The following RHOQ variants were observed in gnomAD, a reference collection of about 807,000 sequenced individuals.
RHOQ encodes ras homolog family member Q.
Under a neutral mutation model 25.8 loss-of-function variants are expected in RHOQ, and 7 were observed. That is an observed-to-expected ratio of 0.27 (90% CI 0.15 to 0.51). The LOEUF (loss-of-function observed/expected upper bound fraction) is 0.51. RHOQ is among the 20% of genes least tolerant of loss of function. RHOQ has a pLI of 0.97. For synonymous variants in RHOQ, 97 were observed against 98.6 expected (o/e 0.98, Z 0.10); for missense variants, 165 against 260.6 (o/e 0.63, Z 2.53).
chr2:46,567,900 A>C (rs377147087), intron 2 of RHOQ, among the ~76,000 whole-genome samples: 1 of 151,998 alleles, frequency 6.6e-6, no homozygotes, highest in Non-Finnish European at 1.5e-5. Flanking sequence ...TCTACAAAAA[A>C]AAAATAAAAT....
Position 46,576,290 on chromosome 2 carries a change from C to T in RHOQ, c.366+39C>T, listed in dbSNP as rs777816412. Reference sequence around the variant, plus strand: ...GATTTTCTGCATTTTAGAATAAGCTCTTTGGTCTGTCGTAGAGGCTGCTCT... The same window carrying T: ...GATTTTCTGCATTTTAGAATAAGCTTTTTGGTCTGTCGTAGAGGCTGCTCT... On this transcript the variant is annotated intron_variant, in intron 3 of 4. Coordinates refer to ENST00000238738, the MANE Select transcript of RHOQ (RefSeq NM_012249.4). This position sits in a 1 kb window ranked among gnomAD's most constrained non-coding sequence, Gnocchi z 5.1. 1 of 1,552,914 alleles carries T rather than the reference C, an allele frequency of 6.4e-7. No individual in the cohort carries two copies. Among genetic ancestry groups the T allele is most frequent in the Admixed American group, 1.8e-5 (1 of 56,388 alleles).
rs538926818 is a variant in RHOQ at position 46,584,071 on chromosome 2, A to C, written c.*2988A>C. Among the ~76,000 whole-genome samples, 445 of 152,304 alleles carry C rather than the reference A, an allele frequency of 2.9e-3. 4 individuals are homozygous for C. The highest frequency in any genetic ancestry group is 4.8e-3 in the Non-Finnish European group (323 of 67,998). Reference sequence around the variant, plus strand: ...AATGGGTTTTGTTATGAATTATCTTAGTGACTTTAGACACTGTTTCCATTT... The same window carrying C: ...AATGGGTTTTGTTATGAATTATCTTCGTGACTTTAGACACTGTTTCCATTT... On this transcript the variant is annotated 3_prime_UTR_variant, in exon 5 of 5. Transcript: ENST00000238738.
At position 46,565,329 on chromosome 2, in the gene RHOQ, A is replaced by G. The variant is rs545272129; in HGVS notation, c.202-10758A>G. Among the ~76,000 whole-genome samples, 6 of 152,312 alleles carry G rather than the reference A, an allele frequency of 3.9e-5. No individual in the cohort carries two copies. The East Asian group carries it at 1.2e-3, about 29-fold the overall frequency. ...GCACTGAATCAGAGTTTTCGAAAGA[A>G]GGAGGAAGTAGGAGAAGAATGCTGG... On this transcript the variant is annotated intron_variant, in intron 2 of 4. Transcript: ENST00000238738.
At chr2:46,570,163 A>G (rs981028593) in intron 2 of RHOQ, among the ~76,000 whole-genome samples, 16 of 152,218 alleles carry the variant, frequency 1.1e-4, no homozygotes, top group Admixed American at 1.0e-3. Context: ...GTTTCAGGCC[A>G]GGCGTGGTGG....
Position 46,583,508 on chromosome 2 carries a change from T to C in RHOQ, c.*2425T>C, listed in dbSNP as rs866279814. ...ACATCTGAAGCTGAGGTGCCTTAGG[T>C]ACTCTACTGACCTTGATGGGTTTGG... On this transcript the variant is annotated 3_prime_UTR_variant, in exon 5 of 5. Transcript: ENST00000238738. Among the ~76,000 whole-genome samples the C allele has an allele frequency of 6.6e-6, 1 of 152,144 alleles. No individual in the cohort carries two copies. Among genetic ancestry groups the C allele is most frequent in the Non-Finnish European group, 1.5e-5 (1 of 67,984 alleles).
Position 46,569,579 on chromosome 2 carries a change from G to A in RHOQ, c.202-6508G>A, listed in dbSNP as rs1314601880. The A allele has an allele frequency of 1.3e-5, 2 of 152,140 alleles. No individual in the cohort carries two copies. Among genetic ancestry groups the A allele is most frequent in the Non-Finnish European group, 2.9e-5 (2 of 68,030 alleles). The allele number at this position is 152,140 out of a possible 1,614,324, so 9.4% of individuals were successfully genotyped here. A position where few individuals can be genotyped will look rare whatever the true frequency, so the allele number is the denominator to read the frequency against. On this transcript the variant is annotated intron_variant, in intron 2 of 4. Transcript: ENST00000238738. This position sits in a 1 kb window ranked among gnomAD's most constrained non-coding sequence, Gnocchi z 4.1. ...CGTTTCCTCCAGCCAACCTAAACAG[G>A]AGTTACAATCAGTCAGGTGGCCAAA...
At chr2:46,567,073 C>T (rs1314614466) in intron 2 of RHOQ, among the ~76,000 whole-genome samples, 1 of 152,108 alleles carries the variant, frequency 6.6e-6, no homozygotes, top group Non-Finnish European at 1.5e-5. Context: ...ATAATATAAC[C>T]TCCCTATACA....
chr2:46,574,305 C>T (rs1034853231), intron 2 of RHOQ, among the ~76,000 whole-genome samples: 6 of 150,746 alleles, frequency 4.0e-5, no homozygotes, highest in Non-Finnish European at 8.8e-5. Context: ...TGTGGAGTTG[C>T]TGGGTGGGAT....
intron 4 of RHOQ, among the ~76,000 whole-genome samples, chr2:46,577,397 T>TC (rs1669166794): frequency 2.8e-5 from 3 of 108,240 alleles, no homozygotes; most frequent in African/African-American, 1.5e-4. Flanking sequence ...ATATATGGTC[T>TC]TTTTTTTTTT....
intron 2 of RHOQ, among the ~76,000 whole-genome samples, chr2:46,558,863 T>A (rs1668483372): frequency 6.6e-6 from 1 of 152,184 alleles, no homozygotes; most frequent in African/African-American, 2.4e-5. Flanking sequence ...CCCCTTCTAT[T>A]CTGTTTTTGA....
chr2:46,577,635 T>TG (rs1479338334), intron 4 of RHOQ, among the ~76,000 whole-genome samples: 10 of 145,790 alleles, frequency 6.9e-5, no homozygotes, highest in Admixed American at 5.6e-4. Context: ...CAGGATGGTC[T>TG]CGACCTCCTG....
intron 2 of RHOQ, 24 bp downstream of exon 2, chr2:46,543,836 A>G (rs565951863): frequency 6.2e-7 from 1 of 1,605,952 alleles, no homozygotes; most frequent in Non-Finnish European, 8.5e-7. Flanking sequence ...CCTCTGGCCG[A>G]CGCCCCCCTC....
At chr2:46,554,346 T>C (rs917440214) in intron 2 of RHOQ, among the ~76,000 whole-genome samples, 3 of 152,204 alleles carry the variant, frequency 2.0e-5, no homozygotes, top group African/African-American at 7.2e-5. Context: ...TGGGGTGCCT[T>C]GGCTCCATTA....
At chr2:46,580,791 G>T in intron 4 of RHOQ, 137 bp from the exon 5 acceptor site, 1 of 585,434 alleles carries the variant, frequency 1.7e-6, no homozygotes, top group South Asian at 4.2e-5. Flanking sequence ...ATCCCCTCTG[G>T]GGTTATGAAC....
In RHOQ at chr2:46,559,361, T is replaced by C. The variant is rs544474223; in HGVS notation, c.201+15549T>C. Among the ~76,000 whole-genome samples the C allele has an allele frequency of 9.2e-5, 14 of 152,330 alleles. No homozygotes were observed. In the South Asian group the frequency reaches 2.3e-3, roughly 25 times the overall value. On this transcript the variant is annotated intron_variant, in intron 2 of 4. Transcript: ENST00000238738. ...GGATATTAATGATAGTGTTTCAAATTTTTTGTCTCTCTGTGTAATCTCTAA... is the reference window on the plus strand; with the variant it reads ...GGATATTAATGATAGTGTTTCAAATCTTTTGTCTCTCTGTGTAATCTCTAA...
At chr2:46,545,548 C>T (rs747884924) in intron 2 of RHOQ, among the ~76,000 whole-genome samples, 1 of 152,194 alleles carries the variant, frequency 6.6e-6, no homozygotes, top group Admixed American at 6.5e-5. Context: ...AAAACAACCC[C>T]ATGAGATAGG....
At position 46,576,817 on chromosome 2, in the gene RHOQ, CT is replaced by C; in HGVS notation, c.462+162del. On this transcript the variant is annotated intron_variant, in intron 4 of 4. Transcript: ENST00000238738. The surrounding 1 kb of genome is among the most constrained non-coding windows in gnomAD (Gnocchi z 5.1). ...ACTCAGTGAGGTAGGTCTGTTTCCC[CT>C]GTTACACAGAAGAGACAGTGGAGGC... The C allele has an allele frequency of 2.0e-6, 1 of 500,132 alleles. No homozygotes were observed. Among genetic ancestry groups the C allele is most frequent in the South Asian group, 3.5e-5 (1 of 28,972 alleles). 31.0% of individuals were successfully genotyped at this position (500,132 alleles called of 1,614,324 possible).
rs888690226 is a variant in RHOQ, at chr2:46,548,992, C to T, written c.201+5180C>T. Among the ~76,000 whole-genome samples, 1 of 152,014 alleles carries T rather than the reference C, an allele frequency of 6.6e-6. No homozygotes were observed. The highest frequency in any genetic ancestry group is 2.4e-5 in the African/African-American group (1 of 41,374). On this transcript the variant is annotated intron_variant, in intron 2 of 4. Coordinates refer to ENST00000238738, the MANE Select transcript of RHOQ (RefSeq NM_012249.4). The surrounding 1 kb of genome is among the most constrained non-coding windows in gnomAD (Gnocchi z 5.2). Reference sequence around the variant, plus strand: ...CCAGCTTAGACTGTGGGCTGGCAGGCAGGGACTTTAGGGTGGGGGCAGTCC... The same window carrying T: ...CCAGCTTAGACTGTGGGCTGGCAGGTAGGGACTTTAGGGTGGGGGCAGTCC...
At chr2:46,574,235 G>A (rs189755836) in intron 2 of RHOQ, among the ~76,000 whole-genome samples, 1 of 152,248 alleles carries the variant, frequency 6.6e-6, no homozygotes. Flanking sequence ...TGGATGAGGA[G>A]TGCTTTTTAA....
Sources: gnomAD v4.1 joint callset for allele counts (sites outside exome capture counted in the v4.1 genomes callset) on GRCh38, gnomAD v4.1.1 for gene constraint, Gnocchi (gnomAD v3.1) non-coding constraint, MANE v1.5 for transcripts, NCBI Gene and HGNC (gene_info 2026-07-23, HGNC 2026-07-21) for gene names.